Variants in NPLOC4 observed in about 807,000 individuals in gnomAD.
NPLOC4 encodes the protein nuclear protein localization protein 4 homolog.
A neutral mutation model predicts 80.6 loss-of-function variants in NPLOC4; 18 were observed. The observed-to-expected ratio is 0.22, with a 90% CI of 0.15 to 0.33. The LOEUF is 0.33. NPLOC4 is among the 10% of genes least tolerant of loss of function. The pLI, the probability that NPLOC4 is intolerant of heterozygous loss-of-function variation, is 1.00. For synonymous variants in NPLOC4, 313 were observed against 301.5 expected (o/e 1.04, Z -0.39); for missense variants, 540 against 786.1 (o/e 0.69, Z 3.74).
At chr17:81,597,369 G>A in intron 9 of NPLOC4, 53 bp from the exon 10 acceptor site, 7 of 1,431,196 alleles carry the variant, frequency 4.9e-6, no homozygotes, top group Non-Finnish European at 6.9e-6. Context: ...GACGATGAAT[G>A]GCTGGGCGCA....
At chr17:81,610,820 C>T (rs2035321382) in intron 4 of NPLOC4, among the ~76,000 whole-genome samples, 1 of 87,614 alleles carries the variant, frequency 1.1e-5, no homozygotes, top group Admixed American at 1.0e-4. Flanking sequence ...GGCGCGGTGG[C>T]GGGCGCCTGT....
intron 3 of NPLOC4, among the ~76,000 whole-genome samples, chr17:81,614,088 A>G (rs1305072146): frequency 6.6e-6 from 1 of 152,020 alleles, no homozygotes; most frequent in Admixed American, 6.6e-5. Context: ...CATCCTGGCC[A>G]ACAGGGTGAA....
intron 12 of NPLOC4, among the ~76,000 whole-genome samples, chr17:81,586,428 G>A (rs2034583099): frequency 6.6e-6 from 1 of 151,974 alleles, no homozygotes; most frequent in South Asian, 2.1e-4. Context: ...TGGCCAACAT[G>A]GTAAAACACA....
chr17:81,610,690 C>A (rs932380717), intron 4 of NPLOC4, among the ~76,000 whole-genome samples: 1 of 34,738 alleles, frequency 2.9e-5, no homozygotes, highest in East Asian at 3.2e-4. Context: ...CGGTGGCTCA[C>A]GCCTGTAATC....
chr17:81,594,767 C>T lies in NPLOC4; in HGVS notation c.1120+1349G>A, dbSNP rs1012287925. 9.3e-5 allele frequency among the ~76,000 whole-genome samples: 14 copies of T among 150,332 alleles called. 1 individual carries two copies. Among genetic ancestry groups the T allele is most frequent in the African/African-American group, 2.7e-4 (11 of 40,544 alleles). On this transcript the variant is annotated intron_variant, in intron 11 of 16. Coordinates refer to ENST00000331134, the MANE Select transcript of NPLOC4 (RefSeq NM_017921.4). Reference sequence around the variant, plus strand: ...TCCAACCTGGGCGAGAGCGAGACTCCGTCTCTAGGGAAAAAAAAAAAATTA... The same window carrying T: ...TCCAACCTGGGCGAGAGCGAGACTCTGTCTCTAGGGAAAAAAAAAAAATTA...
intron 1 of NPLOC4, among the ~76,000 whole-genome samples, chr17:81,632,669 G>C (rs1383480236): frequency 6.6e-6 from 1 of 152,034 alleles, no homozygotes; most frequent in African/African-American, 2.4e-5. Flanking sequence ...GTTACCACGA[G>C]TGTTACATTA....
chr17:81,635,112 C>T (rs983854310), intron 1 of NPLOC4, among the ~76,000 whole-genome samples: 1 of 151,662 alleles, frequency 6.6e-6, no homozygotes. Flanking sequence ...TATGCCAAGG[C>T]GGGCGGATCA....
At chr17:81,635,464 C>T (rs1027571250) in intron 1 of NPLOC4, among the ~76,000 whole-genome samples, 1 of 152,142 alleles carries the variant, frequency 6.6e-6, no homozygotes, top group Non-Finnish European at 1.5e-5. Context: ...AAGAGGGCCC[C>T]TGACTGGAGA....
At chr17:81,559,679 T>C (rs1056526162) in intron 16 of NPLOC4, among the ~76,000 whole-genome samples, 56 of 151,778 alleles carry the variant, frequency 3.7e-4, no homozygotes, top group African/African-American at 1.3e-3. Context: ...TGCTTCTCCT[T>C]GTGAATAACG....
At chr17:81,633,157 A>G (rs2099810522) in intron 1 of NPLOC4, among the ~76,000 whole-genome samples, 1 of 151,804 alleles carries the variant, frequency 6.6e-6, no homozygotes, top group South Asian at 2.1e-4. Flanking sequence ...AAAGAAATAC[A>G]ATTCTTTATA....
chr17:81,616,333 A>AAAAAAAAAAC (rs780878214), intron 3 of NPLOC4, among the ~76,000 whole-genome samples: 1 of 115,636 alleles, frequency 8.6e-6, no homozygotes, highest in African/African-American at 3.4e-5. Flanking sequence ...AAAAAAAAAA[A>AAAAAAAAAAC]AAAAAGAAAA....
chr17:81,580,726 C>T lies in NPLOC4; in HGVS notation c.1281+8218G>A, dbSNP rs927254475. 2.0e-5 allele frequency among the ~76,000 whole-genome samples: 3 copies of T among 152,220 alleles called. No homozygotes were observed. Among genetic ancestry groups the T allele is most frequent in the Non-Finnish European group, 2.9e-5 (2 of 68,038 alleles). ...ACCTCCCCTGCTGCAGCAGTCTCCCCGATGCAGGGAGCCCTTCTCCATTCT... is the reference window on the plus strand; with the variant it reads ...ACCTCCCCTGCTGCAGCAGTCTCCCTGATGCAGGGAGCCCTTCTCCATTCT... On this transcript the variant is annotated intron_variant, in intron 12 of 16. Transcript: ENST00000331134. The surrounding 1 kb of genome is among the most constrained non-coding windows in gnomAD (Gnocchi z 4.4).
At position 81,600,386 on chromosome 17, in the gene NPLOC4, T is replaced by C. The variant is rs1158600211; in HGVS notation, c.876A>G (p.Lys292=). Residue 292 remains lysine, a synonymous_variant, in exon 9 of 17, where the codon AAA becomes AAG. Coordinates refer to ENST00000331134, the MANE Select transcript of NPLOC4 (RefSeq NM_017921.4). ...CAGCAATTTCATCGACCACTTCAGC[T>C]TTTGGATCCTCAAGAAGCTCCAAGC... The part of the protein sequence containing the change: ...QNSLELLEDP[K]AEVVDEIAAK... 13 of 1,612,744 alleles carry C rather than the reference T, an allele frequency of 8.1e-6. No homozygotes were observed. Among genetic ancestry groups the C allele is most frequent in the Non-Finnish European group, 1.1e-5 (13 of 1,179,420 alleles).
chr17:81,559,264 T>C lies in NPLOC4; in HGVS notation c.1822A>G (p.Thr608Ala), dbSNP rs775374294. 5 of 1,601,774 alleles carry C rather than the reference T, an allele frequency of 3.1e-6. No homozygotes were observed. Among genetic ancestry groups the C allele is most frequent in the South Asian group, 1.1e-5 (1 of 88,804 alleles). Residue 608 changes from threonine (T) to alanine (A), a missense_variant, in exon 17 of 17, where the codon ACC (threonine) becomes GCC (alanine). Coordinates refer to ENST00000331134, the MANE Select transcript of NPLOC4 (RefSeq NM_017921.4). ...GCCAGCAGAGGGCAGGCGCCCTAGG[T>C]CCTGGGGAGGCTGCACATCTCGCAG... ...GHCEMCSLPR[T>A]
intron 1 of NPLOC4, among the ~76,000 whole-genome samples, chr17:81,636,128 C>A (rs1487255230): frequency 6.6e-6 from 1 of 152,084 alleles, no homozygotes; most frequent in Non-Finnish European, 1.5e-5. Flanking sequence ...CGCCATGACG[C>A]CCGGCTAATT....
At chr17:81,635,864 T>A (rs976196210) in intron 1 of NPLOC4, among the ~76,000 whole-genome samples, 3 of 152,180 alleles carry the variant, frequency 2.0e-5, no homozygotes, top group Non-Finnish European at 4.4e-5. Flanking sequence ...GGTCAGTTAG[T>A]TTTTTTCCCA....
At chr17:81,625,488 C>T (rs187102823) in intron 2 of NPLOC4, among the ~76,000 whole-genome samples, 21 of 152,268 alleles carry the variant, frequency 1.4e-4, no homozygotes, top group Non-Finnish European at 2.6e-4. Context: ...CATAAAAGAA[C>T]AATCAAATGG....
At chr17:81,596,804 G>A (rs1458023109) in intron 10 of NPLOC4, among the ~76,000 whole-genome samples, 1 of 152,114 alleles carries the variant, frequency 6.6e-6, no homozygotes, top group Admixed American at 6.6e-5. Context: ...TGATCAAGAA[G>A]AACTTCTTGA....
intron 3 of NPLOC4, among the ~76,000 whole-genome samples, chr17:81,618,157 A>C (rs2035553424): frequency 7.5e-6 from 1 of 134,080 alleles, no homozygotes; most frequent in Non-Finnish European, 1.6e-5. Flanking sequence ...CTGGCTGCCC[A>C]GTCTGGAAAG....
Sources: gnomAD v4.1 joint callset for allele counts (sites outside exome capture counted in the v4.1 genomes callset) on GRCh38, gnomAD v4.1.1 for gene constraint, Gnocchi (gnomAD v3.1) non-coding constraint, MANE v1.5 for transcripts, NCBI Gene and HGNC (gene_info 2026-07-23, HGNC 2026-07-21) for gene names.